Variants in FSTL5 observed in about 807,000 individuals in gnomAD.
FSTL5 encodes the protein follistatin like 5.
In FSTL5, 62 loss-of-function variants were observed where a neutral mutation model predicts 89.1. The ratio of observed to expected loss-of-function variants is 0.70; its 90% confidence interval spans 0.57 to 0.86. The LOEUF (loss-of-function observed/expected upper bound fraction) is 0.86, where lower values mean the gene tolerates loss of function less well. Among genes scored for constraint, FSTL5 ranks in the 40% least tolerant of loss-of-function variants. The pLI is 0.00. For missense variants in FSTL5, 1,057 were observed against 1,001.6 expected (o/e 1.06, Z -0.75); for synonymous variants, 383 against 346.2 (o/e 1.11, Z -1.18).
intron 4 of FSTL5, among the ~76,000 whole-genome samples, chr4:161,809,620 T>C (rs1730078929): frequency 1.3e-5 from 2 of 152,208 alleles, no homozygotes; most frequent in African/African-American, 2.4e-5. Context: ...CAAAATGTGG[T>C]ATATGCATAC....
chr4:161,510,803 A>C (rs1730625931), intron 10 of FSTL5, among the ~76,000 whole-genome samples: 1 of 151,688 alleles, frequency 6.6e-6, no homozygotes, highest in Admixed American at 6.6e-5. Flanking sequence ...CTAATAGAAA[A>C]AGTTACACTC....
chr4:161,455,189 A>T (rs1173776936), intron 14 of FSTL5, 61 bp from the exon 15 acceptor site: 2 of 1,347,874 alleles, frequency 1.5e-6, no homozygotes, highest in Non-Finnish European at 2.0e-6. Context: ...TATAAGCTTT[A>T]ATTTTATTTA....
intron 3 of FSTL5, among the ~76,000 whole-genome samples, chr4:162,022,156 T>C (rs556783648): frequency 9.2e-5 from 14 of 151,710 alleles, no homozygotes; most frequent in African/African-American, 3.1e-4. Context: ...ATTTGGGTAA[T>C]GGCTACACCA....
intron 1 of FSTL5, among the ~76,000 whole-genome samples, chr4:162,139,493 C>T (rs1732644685): frequency 6.6e-6 from 1 of 151,808 alleles, no homozygotes; most frequent in Admixed American, 6.6e-5. Flanking sequence ...TACACATACA[C>T]ATATACACCA....
chr4:161,647,968 G>C (rs1736208352), intron 7 of FSTL5, among the ~76,000 whole-genome samples: 1 of 152,128 alleles, frequency 6.6e-6, no homozygotes, highest in South Asian at 2.1e-4. Flanking sequence ...CCGACTGGCA[G>C]AACGACACGG....
intron 8 of FSTL5, among the ~76,000 whole-genome samples, chr4:161,559,183 T>C (rs1037577604): frequency 1.3e-5 from 2 of 151,940 alleles, no homozygotes; most frequent in Non-Finnish European, 2.9e-5. Flanking sequence ...GATTTATATA[T>C]GGTGAATCTC....
intron 3 of FSTL5, among the ~76,000 whole-genome samples, chr4:161,941,850 G>T (rs975004387): frequency 7.2e-5 from 11 of 151,814 alleles, no homozygotes; most frequent in Non-Finnish European, 1.6e-4. Context: ...TTTCTCAAGT[G>T]CACAGAAAAC....
At chr4:161,732,686 G>T (rs1260894083) in intron 6 of FSTL5, among the ~76,000 whole-genome samples, 1 of 151,916 alleles carries the variant, frequency 6.6e-6, no homozygotes, top group Admixed American at 6.6e-5. Context: ...GTGAGGTAAG[G>T]ATTAAAGTGT....
chr4:161,841,008 C>T (rs1046678329), intron 4 of FSTL5, among the ~76,000 whole-genome samples: 2 of 152,122 alleles, frequency 1.3e-5, no homozygotes, highest in Non-Finnish European at 1.5e-5. Flanking sequence ...TGGCTGCATC[C>T]CTTGAACTAA....
intron 15 of FSTL5, among the ~76,000 whole-genome samples, chr4:161,404,996 C>T (rs746854275): frequency 7.2e-5 from 11 of 152,022 alleles, no homozygotes; most frequent in Non-Finnish European, 1.6e-4. Flanking sequence ...TTTGGGAGGC[C>T]GAGGTGAGTA....
At chr4:161,425,785 G>T (rs1243888779) in intron 15 of FSTL5, among the ~76,000 whole-genome samples, 2 of 152,100 alleles carry the variant, frequency 1.3e-5, no homozygotes, top group African/African-American at 4.8e-5. Context: ...GAGATTAAAG[G>T]ATATGCCTGA....
rs551382527 is a variant in FSTL5 at position 161,947,140 on chromosome 4, GTA to G, written c.161-26490_161-26489del. Among the ~76,000 whole-genome samples, 520 of 134,814 alleles carry G rather than the reference GTA, an allele frequency of 3.9e-3. 2 individuals carry two copies. The highest frequency in any genetic ancestry group is 0.012 in the African/African-American group (499 of 40,166). 88.4% of individuals were successfully genotyped at this position (134,814 alleles called of 152,430 possible). The stretch of plus-strand genomic sequence containing the variant: ...GCAGATATTTGTGGGGTGTGTGTGT[GTA>G]TGTGTGTGTGTGTGTGTGTGCATCT... On this transcript the variant is annotated intron_variant, in intron 3 of 15. Coordinates refer to ENST00000306100, the MANE Select transcript of FSTL5 (RefSeq NM_020116.5).
At chr4:161,936,007 AC>A (rs1734422256) in intron 3 of FSTL5, among the ~76,000 whole-genome samples, 1 of 152,152 alleles carries the variant, frequency 6.6e-6, no homozygotes. Flanking sequence ...ACATGGTGAA[AC>A]CCTGTCTCTA....
At chr4:161,694,875 G>T (rs1738084020) in intron 6 of FSTL5, among the ~76,000 whole-genome samples, 4 of 117,368 alleles carry the variant, frequency 3.4e-5, no homozygotes, top group African/African-American at 3.2e-5. Context: ...AAAAGATGTA[G>T]TATTCCCTGT....
intron 1 of FSTL5, among the ~76,000 whole-genome samples, chr4:162,145,339 G>T (rs1192210781): frequency 6.6e-6 from 1 of 151,992 alleles, no homozygotes; most frequent in East Asian, 1.9e-4. Context: ...AGGTATGATA[G>T]AAATACAATT....
chr4:161,794,457 G>T (rs1052782135), intron 4 of FSTL5, among the ~76,000 whole-genome samples: 26 of 152,130 alleles, frequency 1.7e-4, no homozygotes, highest in African/African-American at 5.8e-4. Flanking sequence ...TATTGTTTGT[G>T]CATATTAAGG....
chr4:161,678,680 AG>A (rs1737407493), intron 6 of FSTL5, among the ~76,000 whole-genome samples: 1 of 151,824 alleles, frequency 6.6e-6, no homozygotes, highest in Admixed American at 6.6e-5. Context: ...GAAATGGGAA[AG>A]CAGCAATACA....
At chr4:161,963,523 G>T (rs1735239167) in intron 3 of FSTL5, among the ~76,000 whole-genome samples, 1 of 151,864 alleles carries the variant, frequency 6.6e-6, no homozygotes, top group East Asian at 1.9e-4. Flanking sequence ...AGAGACTCAA[G>T]ACCGTGACCG....
At position 161,500,148 on chromosome 4, in the gene FSTL5, A is replaced by G; in HGVS notation, c.1340-14T>C. On this transcript the variant is annotated splice_polypyrimidine_tract_variant and intron_variant, in intron 11 of 15. Transcript: ENST00000306100. ...CAATTCCCAGACCTTAGGAATAAAA[A>G]CACATTTAAATGTTCAAAATATAAT... 6.9e-7 allele frequency: 1 copy of G among 1,455,968 alleles called. No homozygotes were observed. Among genetic ancestry groups the G allele is most frequent in the Non-Finnish European group, 9.5e-7 (1 of 1,048,794 alleles). 90.2% of individuals were successfully genotyped at this position (1,455,968 alleles called of 1,614,324 possible). A position where few individuals can be genotyped will look rare whatever the true frequency, so the allele number is the denominator to read the frequency against.
Sources: gnomAD v4.1 joint callset for allele counts (sites outside exome capture counted in the v4.1 genomes callset) on GRCh38, gnomAD v4.1.1 for gene constraint, MANE v1.5 for transcripts, NCBI Gene and HGNC (gene_info 2026-07-23, HGNC 2026-07-21) for gene names.